The following ATP5MK variants were observed in gnomAD, a reference collection of about 807,000 sequenced individuals.
The protein encoded by ATP5MK is ATP synthase membrane subunit k.
A neutral mutation model predicts 6.6 loss-of-function variants in ATP5MK; 5 were observed. The ratio of observed to expected loss-of-function variants is 0.76; its 90% CI spans 0.40 to 1.60. ATP5MK has a LOEUF of 1.60. Among genes scored for constraint, ATP5MK ranks in the 40% most tolerant of loss-of-function variants. ATP5MK has a pLI of 0.02. For synonymous variants in ATP5MK, 30 were observed against 24.5 expected (o/e 1.22, Z -0.66); for missense variants, 57 against 66.6 (o/e 0.86, Z 0.50).
At chr10:103,390,758 C>G (rs574509416) in intron 4 of ATP5MK, among the ~76,000 whole-genome samples, 1 of 152,066 alleles carries the variant, frequency 6.6e-6, no homozygotes, top group East Asian at 1.9e-4. Flanking sequence ...CCATTGCACT[C>G]CAGCCTGGGC....
At position 103,392,370 on chromosome 10, in the gene ATP5MK, C is replaced by T. The variant is rs146599698; in HGVS notation, c.87+1G>A. ...AACTGCTTAAAGTTATCAATACTTA[C>T]GTTCATTCTACCTGTGAGAGTATAA... On this transcript the variant is annotated splice_donor_variant, in intron 3 of 4. Transcript: ENST00000369815. LOFTEE classifies it high-confidence loss of function. The T allele has an allele frequency of 1.0e-5, 16 of 1,599,348 alleles. No individual in the cohort carries two copies. Among genetic ancestry groups the T allele is most frequent in the Middle Eastern group, 1.7e-4 (1 of 6,032 alleles).
At chr10:103,393,824 AATG>A (rs1450979894) in intron 2 of ATP5MK, among the ~76,000 whole-genome samples, 1 of 152,222 alleles carries the variant, frequency 6.6e-6, no homozygotes, top group African/African-American at 2.4e-5. Flanking sequence ...CTGATTAAAA[AATG>A]ATGGTTTCCA....
intron 1 of ATP5MK, 51 bp from the exon 2 acceptor site, chr10:103,396,083 G>A (rs1461024916): frequency 1.3e-5 from 2 of 152,336 alleles, no homozygotes; most frequent in Non-Finnish European, 2.9e-5. Flanking sequence ...ATGGGGATCA[G>A]AAGCCCTAGT....
Position 103,392,388 on chromosome 10 carries a change from G to T in ATP5MK, c.70C>A (p.Leu24Ile). 6.2e-7 allele frequency: 1 copy of T among 1,606,472 alleles called. No homozygotes were observed. Among genetic ancestry groups the T allele is most frequent in the African/African-American group, 1.3e-5 (1 of 74,602 alleles). Residue 24 changes from leucine to isoleucine, a missense_variant, in exon 3 of 5, where the codon CTC becomes ATC. Transcript: ENST00000369815. The part of the protein sequence containing the change: ...GIKKYFNSYT[L>I]TGRMNCVLAT... ...ATACTTACGTTCATTCTACCTGTGA[G>T]AGTATAAGAGTTGAAATATTTTTTA...
chr10:103,394,325 A>G (rs1169772153), intron 2 of ATP5MK: 8 of 534,212 alleles, frequency 1.5e-5, no homozygotes, highest in South Asian at 1.1e-4. Context: ...CGCCGAGTCG[A>G]TTGGCAACAC....
At chr10:103,392,075 T>C in intron 4 of ATP5MK, 116 bp downstream of exon 4, 1 of 858,638 alleles carries the variant, frequency 1.2e-6, no homozygotes, top group Non-Finnish European at 1.8e-6. Context: ...TATTTTTTTT[T>C]CTTGTATGCT....
chr10:103,391,889 T>G lies in ATP5MK; in HGVS notation c.*3+302A>C, dbSNP rs1010768780. 4.6e-5 allele frequency among the ~76,000 whole-genome samples: 7 copies of G among 152,118 alleles called. No individual in the cohort carries two copies. The East Asian group carries it at 1.3e-3, about 29-fold the overall frequency. ...GGCGTGATCTCGGCTCACTGCAACCTTCGCCTCCTGGACTTAAGCAGTTCT... is the reference window on the plus strand; with the variant it reads ...GGCGTGATCTCGGCTCACTGCAACCGTCGCCTCCTGGACTTAAGCAGTTCT... On this transcript the variant is annotated intron_variant, in intron 4 of 4. Coordinates refer to ENST00000369815, the MANE Select transcript of ATP5MK (RefSeq NM_001206427.2).
At chr10:103,394,753 GCCCCCCCA>G (rs977989894) in intron 2 of ATP5MK, among the ~76,000 whole-genome samples, 14 of 42,624 alleles carry the variant, frequency 3.3e-4, no homozygotes, top group African/African-American at 1.4e-3. Context: ...CCCGCCCCCC[GCCCCCCCA>G]CCAGCTCCAT....
chr10:103,390,225 C>T (rs1288097805), intron 4 of ATP5MK, among the ~76,000 whole-genome samples: 2 of 152,144 alleles, frequency 1.3e-5, no homozygotes, highest in Non-Finnish European at 2.9e-5. Context: ...GGCACAGTGG[C>T]TCATGCCTGT....
intron 4 of ATP5MK, among the ~76,000 whole-genome samples, chr10:103,391,615 C>G (rs1431951278): frequency 6.6e-6 from 1 of 152,008 alleles, no homozygotes; most frequent in African/African-American, 2.4e-5. Context: ...TCAAGCTATT[C>G]TCCTGCCTCA....
At chr10:103,392,047 C>G in intron 4 of ATP5MK, 144 bp downstream of exon 4, 3 of 655,528 alleles carry the variant, frequency 4.6e-6, no homozygotes, top group Non-Finnish European at 5.1e-6. Flanking sequence ...AGGTATGAGC[C>G]ACTATACTAG....
chr10:103,390,970 T>C (rs2093412852), intron 4 of ATP5MK, among the ~76,000 whole-genome samples: 1 of 152,084 alleles, frequency 6.6e-6, no homozygotes, highest in East Asian at 1.9e-4. Context: ...ACATAAACAT[T>C]GGAAACAAAC....
chr10:103,390,409 A>C (rs2093410817), intron 4 of ATP5MK, among the ~76,000 whole-genome samples: 2 of 151,412 alleles, frequency 1.3e-5, no homozygotes, highest in Non-Finnish European at 2.9e-5. Context: ...CGGGAGGGTC[A>C]CTTGAGCCCG....
At chr10:103,395,253 T>C (rs890060271) in intron 2 of ATP5MK, among the ~76,000 whole-genome samples, 2 of 152,218 alleles carry the variant, frequency 1.3e-5, no homozygotes, top group Non-Finnish European at 2.9e-5. Flanking sequence ...GTAAGACTCC[T>C]AGTTGTGATT....
chr10:103,389,669 C>A (rs1401028267), intron 4 of ATP5MK, among the ~76,000 whole-genome samples: 1 of 152,054 alleles, frequency 6.6e-6, no homozygotes, highest in Non-Finnish European at 1.5e-5. Flanking sequence ...AACAAATAAG[C>A]TACCAACAAT....
chr10:103,391,143 AAC>A (rs1489871908), intron 4 of ATP5MK, among the ~76,000 whole-genome samples: 3 of 152,230 alleles, frequency 2.0e-5, no homozygotes, highest in South Asian at 2.1e-4. Context: ...AAAAGCAAAA[AAC>A]ACAATTTTTT....
intron 2 of ATP5MK, chr10:103,394,340 G>A (rs576440491): frequency 9.4e-6 from 5 of 533,412 alleles, no homozygotes; most frequent in East Asian, 5.5e-5. Flanking sequence ...CAACACAGAC[G>A]AGCCGGTCGA....
chr10:103,392,634 C>T (rs951299139), intron 2 of ATP5MK, among the ~76,000 whole-genome samples, 168 bp from the exon 3 acceptor site: 3 of 124,378 alleles, frequency 2.4e-5, no homozygotes, highest in African/African-American at 7.9e-5. Flanking sequence ...GTGGAAAAAG[C>T]CTTCCTGAAA....
chr10:103,394,215 G>C (rs1216493887), intron 2 of ATP5MK: 1 of 505,000 alleles, frequency 2.0e-6, no homozygotes, highest in Non-Finnish European at 4.2e-6. Flanking sequence ...ATTTTACAAA[G>C]GCATGAATTT....
Sources: allele counts gnomAD v4.1 joint callset (sites outside exome capture counted in the v4.1 genomes callset), GRCh38; gene constraint gnomAD v4.1.1; transcripts MANE v1.5; gene names NCBI Gene and HGNC (gene_info 2026-07-23, HGNC 2026-07-21).